PRELID2: variants seen among roughly 807,000 people sequenced by gnomAD.
PRELID2 encodes the protein PRELI domain-containing protein 2.
Under a neutral mutation model 28.4 loss-of-function variants are expected in PRELID2, and 25 were observed. The ratio of observed to expected loss-of-function variants is 0.88; its 90% CI spans 0.64 to 1.23. PRELID2 has a LOEUF of 1.23. Ranked by LOEUF, PRELID2 falls within the 50% of genes most tolerant of loss-of-function variation. The pLI is 0.00. For synonymous variants in PRELID2, 76 were observed against 71.6 expected (o/e 1.06, Z -0.31); for missense variants, 201 against 214.4 (o/e 0.94, Z 0.39).
chr5:145,342,345 G>T, the PRELID2 span, among the ~76,000 whole-genome samples: 1,023 of 152,062 alleles, frequency 6.7e-3, 5 homozygotes, highest in Admixed American at 0.011. Flanking sequence ...ATCACACAAA[G>T]GAAGAAGAGA....
chr5:145,807,774 T>G (rs914827104), intron 4 of PRELID2, among the ~76,000 whole-genome samples: 2 of 152,196 alleles, frequency 1.3e-5, no homozygotes, highest in Non-Finnish European at 2.9e-5. Context: ...TAGCAGATTT[T>G]CATTCATCAT....
At chr5:145,749,804 G>A (rs1398111880) in intron 1 of PRELID2, among the ~76,000 whole-genome samples, 1 of 152,136 alleles carries the variant, frequency 6.6e-6, no homozygotes, top group African/African-American at 2.4e-5. Context: ...ATGAGATCTT[G>A]TCCTTTGCAG....
the PRELID2 span, among the ~76,000 whole-genome samples, chr5:145,415,298 A>G: frequency 1.3e-5 from 2 of 149,818 alleles, no homozygotes; most frequent in Non-Finnish European, 3.0e-5. Flanking sequence ...TATTATTATT[A>G]TACTTTAAGT....
At chr5:145,508,969 G>C (rs1034013359) in intron 1 of PRELID2, among the ~76,000 whole-genome samples, 1 of 152,198 alleles carries the variant, frequency 6.6e-6, no homozygotes, top group African/African-American at 2.4e-5. Flanking sequence ...CTGGTCTAAT[G>C]AGTCCAAATT....
At chr5:145,391,665 T>C in the PRELID2 span, among the ~76,000 whole-genome samples, 3 of 152,156 alleles carry the variant, frequency 2.0e-5, no homozygotes, top group Admixed American at 2.0e-4. Flanking sequence ...GGCTTACATT[T>C]CTCCCTAGAA....
intron 1 of PRELID2, among the ~76,000 whole-genome samples, chr5:145,616,805 G>A (rs1174779487): frequency 3.9e-5 from 6 of 152,142 alleles, no homozygotes; most frequent in Non-Finnish European, 8.8e-5. Flanking sequence ...CAGGGTTTGA[G>A]AGCAGACAAC....
At chr5:145,319,086 G>A in the PRELID2 span, among the ~76,000 whole-genome samples, 1 of 152,122 alleles carries the variant, frequency 6.6e-6, no homozygotes, top group African/African-American at 2.4e-5. Context: ...TGCTCATGGA[G>A]GTTTGGGGTG....
chr5:145,783,596 G>A (rs1359707247), intron 5 of PRELID2, among the ~76,000 whole-genome samples: 1 of 152,174 alleles, frequency 6.6e-6, no homozygotes, highest in African/African-American at 2.4e-5. Flanking sequence ...GCACTCAAGG[G>A]TGGGATTAAA....
At chr5:145,234,441 C>A in the PRELID2 span, among the ~76,000 whole-genome samples, 1 of 152,138 alleles carries the variant, frequency 6.6e-6, no homozygotes. Context: ...CCAGGTATGT[C>A]AGTCATTAGT....
chr5:145,604,719 C>T (rs1753470399), intron 1 of PRELID2, among the ~76,000 whole-genome samples: 1 of 148,408 alleles, frequency 6.7e-6, no homozygotes, highest in African/African-American at 2.5e-5. Flanking sequence ...CTCTTATCTC[C>T]ACAACCTCAC....
the PRELID2 span, among the ~76,000 whole-genome samples, chr5:145,263,367 T>C: frequency 6.6e-6 from 1 of 151,922 alleles, no homozygotes; most frequent in Non-Finnish European, 1.5e-5. Context: ...TTCTACCCAA[T>C]AACTGCAGAA....
chr5:145,623,609 A>G (rs1478020210), intron 1 of PRELID2, among the ~76,000 whole-genome samples: 2 of 152,148 alleles, frequency 1.3e-5, no homozygotes, highest in African/African-American at 4.8e-5. Context: ...AGACAGACAG[A>G]TAGATAAATA....
chr5:145,394,672 C>G, the PRELID2 span, among the ~76,000 whole-genome samples: 2 of 152,158 alleles, frequency 1.3e-5, no homozygotes. Flanking sequence ...TCATCTGACT[C>G]TGGAACTTGT....
chr5:145,719,382 T>C (rs567119690), intron 1 of PRELID2, among the ~76,000 whole-genome samples: 1 of 151,452 alleles, frequency 6.6e-6, no homozygotes, highest in African/African-American at 2.4e-5. Flanking sequence ...AAAGACAGTA[T>C]AAAGAAAAAC....
At chr5:145,533,656 G>A (rs978932435) in intron 1 of PRELID2, among the ~76,000 whole-genome samples, 14 of 152,054 alleles carry the variant, frequency 9.2e-5, no homozygotes, top group African/African-American at 3.4e-4. Flanking sequence ...CCCAGTTGCA[G>A]GAAGCAGAGC....
rs371526755 is a variant in PRELID2, at chr5:145,477,157, A to AAG, written n.71-3844_71-3843dup. Among the ~76,000 whole-genome samples, 349 of 152,164 alleles carry AAG rather than the reference A, an allele frequency of 2.3e-3. 2 individuals are homozygous for AAG. The highest frequency in any genetic ancestry group is 7.7e-3 in the African/African-American group (320 of 41,542). On this transcript the variant is annotated intron_variant and non_coding_transcript_variant, in intron 1 of 2. Coordinates refer to the PRELID2 transcript ENST00000510259. ...CAACTCAAAGAGGCTTTATCCGAAT[A>AAG]AGAGAGAGAGAGGATACAGAGATTT...
the PRELID2 span, among the ~76,000 whole-genome samples, chr5:145,296,185 A>AT: frequency 2.5e-4 from 37 of 150,872 alleles, no homozygotes; most frequent in African/African-American, 7.5e-4. Flanking sequence ...TTTTTTATTT[A>AT]TTTTTTTATT....
At chr5:145,565,996 G>T (rs1752963957) in intron 1 of PRELID2, among the ~76,000 whole-genome samples, 1 of 152,216 alleles carries the variant, frequency 6.6e-6, no homozygotes, top group South Asian at 2.1e-4. Flanking sequence ...AACTCTACGT[G>T]AAGCTCATGG....
chr5:145,823,475 C>T (rs188106090), intron 1 of PRELID2, among the ~76,000 whole-genome samples: 5 of 152,310 alleles, frequency 3.3e-5, no homozygotes, highest in Admixed American at 6.5e-5. Flanking sequence ...GTACTAAATG[C>T]TTTCCTTGCA....
Sources: allele counts gnomAD v4.1 joint callset (sites outside exome capture counted in the v4.1 genomes callset), GRCh38; gene constraint gnomAD v4.1.1; transcripts MANE v1.5; gene names NCBI Gene and HGNC (gene_info 2026-07-23, HGNC 2026-07-21).